RBM46: variants seen among roughly 807,000 people sequenced by gnomAD.
RBM46 encodes probable RNA-binding protein 46.
A neutral mutation model predicts 43.3 loss-of-function variants in RBM46; 12 were observed. That is an observed-to-expected ratio of 0.28 (90% CI 0.18 to 0.45). The LOEUF (loss-of-function observed/expected upper bound fraction) is 0.45. RBM46 is among the 20% of genes least tolerant of loss of function. RBM46 has a pLI of 1.00. For missense variants in RBM46, 412 were observed against 639.1 expected (o/e 0.64, Z 3.83); for synonymous variants, 205 against 207.6 (o/e 0.99, Z 0.11).
intron 4 of RBM46, among the ~76,000 whole-genome samples, chr4:154,813,506 A>G (rs972779986): frequency 6.6e-6 from 1 of 152,072 alleles, no homozygotes; most frequent in African/African-American, 2.4e-5. Flanking sequence ...CTTTGTGTTT[A>G]TATCAACCAA....
intron 4 of RBM46, among the ~76,000 whole-genome samples, chr4:154,826,185 C>T (rs530077207): frequency 3.3e-5 from 5 of 151,210 alleles, no homozygotes; most frequent in Admixed American, 3.3e-4. Context: ...GCATGAGGCA[C>T]GTTGGCTCAC....
In RBM46 at chr4:154,798,963, A is replaced by G; in HGVS notation, c.801A>G (p.Val267=). The stretch of plus-strand genomic sequence containing the variant: ...TTAAGCCTGGTGCAGTTGAACGGGT[A>G]AAGAAACTTAGAGATTATGCTTTTG... ...NKFKPGAVER[V]KKLRDYAFVH... is the part of the protein sequence containing the mutation. The change falls in exon 4 of 5, where the codon GTA becomes GTG. Residue 267 remains valine, a synonymous_variant. Coordinates refer to ENST00000281722, the MANE Select transcript of RBM46 (RefSeq NM_144979.5). 2.5e-6 allele frequency: 4 copies of G among 1,613,990 alleles called. No individual in the cohort carries two copies. Among genetic ancestry groups the G allele is most frequent in the Non-Finnish European group, 3.4e-6 (4 of 1,179,946 alleles).
chr4:154,822,233 C>T (rs75612613), intron 4 of RBM46, among the ~76,000 whole-genome samples: 2,479 of 151,758 alleles, frequency 0.016, 31 homozygotes, highest in Middle Eastern at 0.027. Context: ...AAAAGTTGCC[C>T]GATGCCCCAT....
chr4:154,788,111 A>G (rs1460461331), intron 1 of RBM46, among the ~76,000 whole-genome samples: 1 of 152,126 alleles, frequency 6.6e-6, no homozygotes, highest in Non-Finnish European at 1.5e-5. Flanking sequence ...GTTAGATTGT[A>G]AAAATTTTCT....
chr4:154,800,228 T>C (rs1476204529), intron 4 of RBM46, among the ~76,000 whole-genome samples: 3 of 152,176 alleles, frequency 2.0e-5, no homozygotes, highest in African/African-American at 4.8e-5. Flanking sequence ...TAAACCAATT[T>C]ATTATAGAGT....
intron 4 of RBM46, chr4:154,820,486 C>A: frequency 2.2e-6 from 2 of 915,918 alleles, no homozygotes; most frequent in East Asian, 2.9e-5. Flanking sequence ...TGTCAGAAAA[C>A]CAGTTTCAAA....
chr4:154,825,294 G>A (rs28414557), intron 4 of RBM46, among the ~76,000 whole-genome samples: 32,041 of 151,842 alleles, frequency 0.21, 4,324 homozygotes, highest in East Asian at 0.44. Flanking sequence ...CCTATGATAC[G>A]AAAATTATAT....
chr4:154,787,002 A>G (rs1733807399), intron 1 of RBM46: 1 of 152,232 alleles, frequency 6.6e-6, no homozygotes, highest in African/African-American at 2.4e-5. Context: ...GATAGTACTT[A>G]TCATATTGAA....
Position 154,825,739 on chromosome 4 carries a change from A to C in RBM46, c.1403-2129A>C, listed in dbSNP as rs1459995123. ...TATGCTAGTAGCCAACTGCTTGGCT[A>C]TCTGCTTTCTGAAATCTTTCCCTGA... is the stretch of plus-strand genomic sequence containing the variant. On this transcript the variant is annotated intron_variant, in intron 4 of 4. Coordinates refer to ENST00000281722, the MANE Select transcript of RBM46 (RefSeq NM_144979.5). Among the ~76,000 whole-genome samples, 10 of 152,192 alleles carry C rather than the reference A, an allele frequency of 6.6e-5. 1 individual carries two copies. The highest frequency in any genetic ancestry group is 6.6e-4 in the Admixed American group (10 of 15,264).
chr4:154,807,242 A>G (rs1477155078), intron 4 of RBM46, among the ~76,000 whole-genome samples: 3 of 151,740 alleles, frequency 2.0e-5, no homozygotes, highest in Non-Finnish European at 4.4e-5. Context: ...AGCAGTTCAT[A>G]ATTTTGCCAC....
intron 4 of RBM46, chr4:154,826,867 GGT>G: frequency 6.7e-7 from 1 of 1,488,330 alleles, no homozygotes; most frequent in Non-Finnish European, 8.9e-7. Flanking sequence ...ATGCACCTAT[GGT>G]GTAGGCATCA....
At position 154,799,423 on chromosome 4, in the gene RBM46, G is replaced by T. The variant is rs1734508901; in HGVS notation, c.1261G>T (p.Asp421Tyr). 6.2e-7 allele frequency: 1 copy of T among 1,614,068 alleles called. No homozygotes were observed. The highest frequency in any genetic ancestry group is 8.5e-7 in the Non-Finnish European group (1 of 1,180,006). Reference sequence around the variant, plus strand: ...TTATTTATATTCAACAACAAGTCAAGATGGGAAAGTACTCTTGGTGTATAA... The same window carrying T: ...TTATTTATATTCAACAACAAGTCAATATGGGAAAGTACTCTTGGTGTATAA... ...EYYLYSTTSQ[D>Y]GKVLLVYKIV... The change falls in exon 4 of 5, where the codon GAT becomes TAT. Residue 421 changes from aspartate (D) to tyrosine (Y), a missense_variant. This residue lies in a region of RBM46 where 149 missense variants were observed against 156.3 expected (regional missense o/e 0.95). Coordinates refer to ENST00000281722, the MANE Select transcript of RBM46 (RefSeq NM_144979.5).
rs926052253 is a variant in RBM46, at chr4:154,788,847, CTTTTA to C, written c.-12+7415_-12+7419del. On this transcript the variant is annotated intron_variant, in intron 1 of 4. Transcript: ENST00000281722. ...ATGTTCTTCCATTTGTTTGTGTCCT[CTTTTA>C]TTTCATTGAGCAGTGGTTTATAGTT... 2.0e-4 allele frequency among the ~76,000 whole-genome samples: 30 copies of C among 152,300 alleles called. 1 individual carries two copies. The highest frequency in any genetic ancestry group is 7.2e-4 in the African/African-American group (30 of 41,562).
intron 4 of RBM46, among the ~76,000 whole-genome samples, chr4:154,817,445 G>A (rs1735506680): frequency 6.7e-6 from 1 of 149,336 alleles, no homozygotes; most frequent in Non-Finnish European, 1.5e-5. Context: ...CAATTCTCTT[G>A]CCTCAGCCTC....
rs781377957 is a variant in RBM46, at chr4:154,799,264, T to C, written c.1102T>C (p.Cys368Arg). Reference protein sequence around the residue: ...HSPSPPEVERCTYPFYPGTKL... With the variant: ...HSPSPPEVERRTYPFYPGTKL... ...CCCAAGTCCGCCTGAAGTTGAAAGA[T>C]GCACTTACCCTTTTTATCCTGGAAC... Residue 368 changes from cysteine (C) to arginine (R), a missense_variant, in exon 4 of 5, where the codon TGC (cysteine) becomes CGC (arginine). Around this residue, in one of 8 missense-constraint regions of RBM46, gnomAD observed 105 missense variants for 111.0 expected, o/e 0.95. Transcript: ENST00000281722. The C allele has an allele frequency of 6.2e-7, 1 of 1,614,122 alleles. No homozygotes were observed. Among genetic ancestry groups the C allele is most frequent in the Admixed American group, 1.7e-5 (1 of 60,014 alleles).
At chr4:154,826,163 G>GA (rs755904602) in intron 4 of RBM46, among the ~76,000 whole-genome samples, 32 of 133,400 alleles carry the variant, frequency 2.4e-4, no homozygotes, top group East Asian at 1.9e-3. Context: ...AAAAAAAAAA[G>GA]AAAAAAAAAA....
intron 4 of RBM46, among the ~76,000 whole-genome samples, chr4:154,825,740 T>C (rs1735926659): frequency 6.6e-6 from 1 of 152,202 alleles, no homozygotes; most frequent in Admixed American, 6.6e-5. Context: ...TGCTTGGCTA[T>C]CTGCTTTCTG....
intron 1 of RBM46, among the ~76,000 whole-genome samples, chr4:154,783,079 CTTTG>C (rs1733581635): frequency 6.6e-6 from 1 of 152,130 alleles, no homozygotes. Flanking sequence ...CTACTTTAAA[CTTTG>C]TTTGCATCTG....
intron 4 of RBM46, among the ~76,000 whole-genome samples, chr4:154,799,996 C>T (rs1560899877): frequency 6.6e-6 from 1 of 152,102 alleles, no homozygotes; most frequent in Non-Finnish European, 1.5e-5. Flanking sequence ...TGGTCTCGAT[C>T]TCCTGACCTC....
Sources: gnomAD v4.1 joint callset for allele counts (sites outside exome capture counted in the v4.1 genomes callset) on GRCh38, gnomAD v4.1.1 for gene constraint, gnomAD v4.1.1 regional missense constraint, MANE v1.5 for transcripts, NCBI Gene and HGNC (gene_info 2026-07-23, HGNC 2026-07-21) for gene names.